Variants in CCDC171 observed in about 807,000 individuals in gnomAD.
CCDC171 encodes coiled-coil domain-containing protein 171.
A neutral mutation model predicts 168.2 loss-of-function variants in CCDC171; 177 were observed. The ratio of observed to expected loss-of-function variants is 1.05; its 90% CI spans 0.93 to 1.19. The LOEUF (loss-of-function observed/expected upper bound fraction) is 1.19, where lower values mean the gene tolerates loss of function less well. Among genes scored for constraint, CCDC171 ranks in the 50% most tolerant of loss-of-function variants. The pLI is 0.00. For synonymous variants in CCDC171, 687 were observed against 540.8 expected (o/e 1.27, Z -3.75); for missense variants, 1,991 against 1,539.0 (o/e 1.29, Z -4.91).
intron 5 of CCDC171, among the ~76,000 whole-genome samples, chr9:15,592,577 G>A (rs2042077674): frequency 6.6e-6 from 1 of 151,896 alleles, no homozygotes; most frequent in African/African-American, 2.4e-5. Context: ...TGTTTCTTTT[G>A]TTTACTACTG....
chr9:15,728,079 A>G (rs981628762), intron 15 of CCDC171, 43 bp downstream of exon 15: 6 of 1,437,144 alleles, frequency 4.2e-6, no homozygotes, highest in Non-Finnish European at 5.8e-6. Context: ...AAATTCAGTG[A>G]CATTTGTCCA....
chr9:15,882,638 C>T (rs1191037814), intron 24 of CCDC171, among the ~76,000 whole-genome samples: 3 of 152,174 alleles, frequency 2.0e-5, no homozygotes, highest in African/African-American at 4.8e-5. Flanking sequence ...AGCATTTAAA[C>T]GTCGGTTATA....
At chr9:15,563,072 C>T (rs1038979302) in intron 1 of CCDC171, among the ~76,000 whole-genome samples, 46 of 151,108 alleles carry the variant, frequency 3.0e-4, no homozygotes, top group Middle Eastern at 6.8e-3. Flanking sequence ...AGAACTTGAA[C>T]TTCAGTGTCA....
At chr9:15,585,034 C>G (rs1340637136) in intron 4 of CCDC171, among the ~76,000 whole-genome samples, 1 of 152,080 alleles carries the variant, frequency 6.6e-6, no homozygotes, top group Non-Finnish European at 1.5e-5. Flanking sequence ...CAAATGAAAA[C>G]CATAGTAGAT....
At chr9:15,554,997 C>G (rs1460244926) in intron 1 of CCDC171, among the ~76,000 whole-genome samples, 2 of 152,108 alleles carry the variant, frequency 1.3e-5, no homozygotes, top group Non-Finnish European at 2.9e-5. Flanking sequence ...TTCCTCTGAT[C>G]TGTGCAGACA....
At chr9:15,633,799 A>G (rs984329829) in intron 7 of CCDC171, among the ~76,000 whole-genome samples, 2 of 152,236 alleles carry the variant, frequency 1.3e-5, no homozygotes. Context: ...GATAGACTGG[A>G]TTAAGAAAAT....
At chr9:16,034,990 C>T (rs1363535822) in intron 6 of CCDC171, among the ~76,000 whole-genome samples, 1 of 152,146 alleles carries the variant, frequency 6.6e-6, no homozygotes, top group East Asian at 1.9e-4. Flanking sequence ...TTGAGTCTGC[C>T]AGCCCCCATC....
chr9:15,743,342 A>G (rs1011140884), intron 16 of CCDC171, among the ~76,000 whole-genome samples: 21 of 150,036 alleles, frequency 1.4e-4, no homozygotes, highest in Admixed American at 1.2e-3. Context: ...AATTTTTTTT[A>G]TTTTTTATTT....
At chr9:15,806,334 G>A (rs1056071033) in intron 21 of CCDC171, among the ~76,000 whole-genome samples, 1 of 152,110 alleles carries the variant, frequency 6.6e-6, no homozygotes, top group South Asian at 2.1e-4. Flanking sequence ...AGTGGCATTG[G>A]TCTGTGTACT....
At chr9:15,763,883 C>T (rs1052174175) in intron 18 of CCDC171, among the ~76,000 whole-genome samples, 2 of 151,180 alleles carry the variant, frequency 1.3e-5, no homozygotes, top group South Asian at 4.3e-4. Context: ...TATTCATATA[C>T]ATGTCTTTTG....
chr9:16,038,213 T>C (rs537365229), upstream of CCDC171, among the ~76,000 whole-genome samples: 2 of 152,122 alleles, frequency 1.3e-5, no homozygotes, highest in Non-Finnish European at 2.9e-5. Context: ...ACATATAAAA[T>C]TAAAGTTTTG....
exon 2 of CCDC171, chr9:16,061,263 T>C (rs866400071): frequency 1.3e-5 from 2 of 152,210 alleles, no homozygotes; most frequent in Admixed American, 6.5e-5. Flanking sequence ...AAGAAATGAT[T>C]CCTTCCTGCC....
intron 6 of CCDC171, among the ~76,000 whole-genome samples, chr9:16,025,134 T>C (rs1280275649): frequency 1.3e-5 from 2 of 152,178 alleles, no homozygotes; most frequent in Non-Finnish European, 2.9e-5. Flanking sequence ...ACTGAAAATA[T>C]ATGTCCACAT....
intron 21 of CCDC171, among the ~76,000 whole-genome samples, chr9:15,815,685 A>T: frequency 8.6e-6 from 1 of 116,058 alleles, no homozygotes; most frequent in African/African-American, 3.2e-5. Flanking sequence ...GAACTCCAAC[A>T]CTCATTTTCT....
intron 18 of CCDC171, among the ~76,000 whole-genome samples, chr9:15,773,278 G>A (rs1324144135): frequency 1.3e-5 from 2 of 152,036 alleles, no homozygotes; most frequent in Non-Finnish European, 2.9e-5. Context: ...TATTTTGTTA[G>A]GGCTAGATAA....
chr9:16,021,031 G>C (rs1023362630), intron 4 of CCDC171, among the ~76,000 whole-genome samples: 4 of 152,160 alleles, frequency 2.6e-5, no homozygotes, highest in Non-Finnish European at 4.4e-5. Context: ...TGCACTAATT[G>C]TTATATGCTT....
intron 23 of CCDC171, among the ~76,000 whole-genome samples, chr9:15,867,535 G>A (rs914712919): frequency 6.6e-6 from 1 of 151,996 alleles, no homozygotes; most frequent in Admixed American, 6.6e-5. Flanking sequence ...ACACACAGGT[G>A]TTAACACAGC....
intron 24 of CCDC171, among the ~76,000 whole-genome samples, chr9:15,908,645 A>C (rs1196472699): frequency 1.3e-5 from 2 of 152,232 alleles, no homozygotes; most frequent in Non-Finnish European, 2.9e-5. Context: ...CCTAAAAGTT[A>C]AAGTATAAAA....
intron 6 of CCDC171, among the ~76,000 whole-genome samples, chr9:15,612,468 A>G (rs1373114002): frequency 1.3e-5 from 2 of 152,126 alleles, no homozygotes; most frequent in Admixed American, 6.6e-5. Context: ...GTTTAATCAT[A>G]TCTGTTTAGT....
Sources: allele counts gnomAD v4.1 joint callset (sites outside exome capture counted in the v4.1 genomes callset), GRCh38; gene constraint gnomAD v4.1.1; transcripts MANE v1.5; gene names NCBI Gene and HGNC (gene_info 2026-07-23, HGNC 2026-07-21).